The following ATRN variants were observed in gnomAD, a reference collection of about 807,000 sequenced individuals.
ATRN encodes the protein attractin, also known as attractin-2.
A neutral mutation model predicts 178.7 loss-of-function variants in ATRN; 54 were observed. That is an observed-to-expected ratio of 0.30 (90% confidence interval 0.24 to 0.38). The LOEUF (loss-of-function observed/expected upper bound fraction) is 0.38. ATRN is among the 10% of genes least tolerant of loss of function. The pLI is 1.00. For missense variants in ATRN, 1,443 were observed against 1,815.1 expected, an observed-to-expected ratio of 0.79 and a Z score of 3.73; for synonymous variants, 636 against 663.0, an observed-to-expected ratio of 0.96 and a Z score of 0.63.
Position 3,514,795 on chromosome 20 carries a change from A to G in ATRN, c.411-20458A>G, listed in dbSNP as rs886805010. Among the ~76,000 whole-genome samples, 7 of 152,020 alleles carry G rather than the reference A, an allele frequency of 4.6e-5. No individual in the cohort carries two copies. The South Asian group carries it at 1.5e-3, about 32-fold the overall frequency. On this transcript the variant is annotated intron_variant, in intron 1 of 28. Transcript: ENST00000262919. ...GGCAACATAGTGAGACTGTCTCTAC[A>G]AAAATGACAAAATTATCCAGGCATG... is the stretch of plus-strand genomic sequence containing the variant.
At chr20:3,518,312 A>G (rs1003725511) in intron 1 of ATRN, among the ~76,000 whole-genome samples, 2 of 152,222 alleles carry the variant, frequency 1.3e-5, no homozygotes, top group Non-Finnish European at 2.9e-5. Flanking sequence ...CGTGCTTGGT[A>G]TCTCAGAAAA....
At chr20:3,492,152 A>G (rs944797357) in intron 1 of ATRN, among the ~76,000 whole-genome samples, 27 of 142,764 alleles carry the variant, frequency 1.9e-4, no homozygotes, top group African/African-American at 6.6e-4. Context: ...GGTTGAGAGC[A>G]TATTCTAGAT....
intron 21 of ATRN, among the ~76,000 whole-genome samples, chr20:3,597,071 T>TATATGTATATATATATAA (rs11087589): frequency 7.5e-6 from 1 of 134,036 alleles, no homozygotes; most frequent in East Asian, 2.3e-4. Flanking sequence ...TATATATATA[T>TATATGTATATATATATAA]ATAAAACTTC....
Position 3,547,438 on chromosome 20 carries a change from A to G in ATRN, c.892A>G (p.Ile298Val), listed in dbSNP as rs150589475. 6.2e-6 allele frequency: 10 copies of G among 1,614,094 alleles called. No homozygotes were observed. The African/African-American group carries it at 1.1e-4, about 17-fold the overall frequency. The change falls in exon 5 of 29, where the codon ATC becomes GTC. Residue 298 changes from isoleucine to valine, a missense_variant. Transcript: ENST00000262919. ...CAACTGTGGTTTTCCTCATCGAGGCATCTGCAATTCAAGTGATGTCAGAGG... is the reference window on the plus strand; with the variant it reads ...CAACTGTGGTTTTCCTCATCGAGGCGTCTGCAATTCAAGTGATGTCAGAGG... The part of the protein sequence containing the change: ...TDNCGFPHRG[I>V]CNSSDVRGCS...
rs745916818 is a variant in ATRN at position 3,584,838 on chromosome 20, C to T, written c.3142C>T (p.Leu1048=). 83 of 1,614,070 alleles carry T rather than the reference C, an allele frequency of 5.1e-5. No individual in the cohort carries two copies. Among genetic ancestry groups the T allele is most frequent in the Non-Finnish European group, 6.7e-5 (79 of 1,180,038 alleles). The change falls in exon 18 of 29, where the codon CTA becomes TTA. Residue 1048 remains leucine (L), a synonymous_variant. Coordinates refer to ENST00000262919, the MANE Select transcript of ATRN (RefSeq NM_139321.3). ...PQPLLNSSMC[L]EDSRYNWSFI... ...GCCCCTGCTCAATTCCAGCATGTGT[C>T]TAGAGGACAGCAGATACAACTGGTC...
intron 6 of ATRN, among the ~76,000 whole-genome samples, chr20:3,550,174 A>C (rs1229048308): frequency 6.6e-6 from 1 of 152,208 alleles, no homozygotes; most frequent in East Asian, 1.9e-4. Context: ...CTAAAAATAC[A>C]AAAATTAGCC....
chr20:3,607,100 TTTAA>T (rs1439604134), intron 24 of ATRN, among the ~76,000 whole-genome samples: 1 of 152,216 alleles, frequency 6.6e-6, no homozygotes, highest in Non-Finnish European at 1.5e-5. Flanking sequence ...TAAATGTATT[TTTAA>T]TTTTACTTTT....
chr20:3,624,214 G>A (rs938065269), intron 24 of ATRN, among the ~76,000 whole-genome samples: 2 of 152,136 alleles, frequency 1.3e-5, no homozygotes, highest in Non-Finnish European at 2.9e-5. Flanking sequence ...GGGAGGGAGC[G>A]CCAGGCTTCA....
chr20:3,535,365 GT>G, intron 2 of ATRN, 29 bp downstream of exon 2: 18 of 1,336,860 alleles, frequency 1.3e-5, no homozygotes, highest in East Asian at 5.2e-5. Flanking sequence ...CTTAATTTTT[GT>G]TTTTTTAGCA....
chr20:3,624,750 A>G (rs1456957804), intron 25 of ATRN, among the ~76,000 whole-genome samples, 178 bp downstream of exon 25: 1 of 152,226 alleles, frequency 6.6e-6, no homozygotes. Flanking sequence ...AACTCAATCT[A>G]GCATGACAAA....
At position 3,580,379 on chromosome 20, in the gene ATRN, G is replaced by A. The variant is rs547685667; in HGVS notation, c.2544+1607G>A. On this transcript the variant is annotated intron_variant, in intron 15 of 28. Coordinates refer to ENST00000262919, the MANE Select transcript of ATRN (RefSeq NM_139321.3). ...TTTCTGGGTATTCTAATCTGCTGTG[G>A]CCACGTTTATGAAACAGAAATTCAC... Among the ~76,000 whole-genome samples, 4 of 152,288 alleles carry A rather than the reference G, an allele frequency of 2.6e-5. No homozygotes were observed. In the South Asian group the frequency reaches 8.3e-4, roughly 32 times the overall value.
At chr20:3,488,357 A>G (rs1358531403) in intron 1 of ATRN, among the ~76,000 whole-genome samples, 1 of 152,078 alleles carries the variant, frequency 6.6e-6, no homozygotes, top group African/African-American at 2.4e-5. Flanking sequence ...CCACCTAGAG[A>G]AAGAGTGTGT....
intron 24 of ATRN, among the ~76,000 whole-genome samples, chr20:3,614,444 G>A (rs2251695): frequency 0.59 from 89,756 of 151,940 alleles, 27,262 homozygotes; most frequent in East Asian, 0.97. Context: ...CTGCGTGCTG[G>A]GTGTTTCATC....
At chr20:3,554,166 C>G (rs1314867506) in intron 6 of ATRN, among the ~76,000 whole-genome samples, 1 of 150,874 alleles carries the variant, frequency 6.6e-6, no homozygotes, top group East Asian at 1.9e-4. Context: ...CTTTTTTTTT[C>G]TACTGATCAA....
intron 1 of ATRN, among the ~76,000 whole-genome samples, chr20:3,519,168 T>C (rs2085252362): frequency 6.6e-6 from 1 of 152,044 alleles, no homozygotes; most frequent in Non-Finnish European, 1.5e-5. Flanking sequence ...AGTGTGTATG[T>C]AGGCCTTCTT....
At chr20:3,555,798 C>T (rs916189139) in intron 6 of ATRN, among the ~76,000 whole-genome samples, 73 of 152,154 alleles carry the variant, frequency 4.8e-4, no homozygotes, top group African/African-American at 1.8e-3. Flanking sequence ...TGTGTAACCT[C>T]AAACAAGATG....
chr20:3,631,300 C>A (rs1206819949), intron 25 of ATRN, among the ~76,000 whole-genome samples: 1 of 151,896 alleles, frequency 6.6e-6, no homozygotes, highest in African/African-American at 2.4e-5. Context: ...GGAAAGGTAT[C>A]CAGATAATCC....
rs1223599389 is a variant in ATRN, at chr20:3,594,109, G to A, written c.3323-370G>A. ...CCAGAGCACCTCCCTAGGGGCAGCA[G>A]CTATGTCTGTGTCCCCACACCCAGC... On this transcript the variant is annotated intron_variant, in intron 19 of 28. Transcript: ENST00000262919. Among the ~76,000 whole-genome samples, 3 of 152,296 alleles carry A rather than the reference G, an allele frequency of 2.0e-5. No homozygotes were observed. The South Asian group carries it at 6.2e-4, about 32-fold the overall frequency.
chr20:3,602,721 T>C (rs1344751139), intron 23 of ATRN, among the ~76,000 whole-genome samples: 1 of 152,000 alleles, frequency 6.6e-6, no homozygotes, highest in Admixed American at 6.6e-5. Flanking sequence ...CCTAGCACTT[T>C]GGGAGGCTGG....
Sources: gnomAD v4.1 joint callset for allele counts (sites outside exome capture counted in the v4.1 genomes callset) on GRCh38, gnomAD v4.1.1 for gene constraint, MANE v1.5 for transcripts, NCBI Gene and HGNC (gene_info 2026-07-23, HGNC 2026-07-21) for gene names.